PTPRD: variants seen among roughly 807,000 people sequenced by gnomAD.
PTPRD encodes receptor-type tyrosine-protein phosphatase delta.
In PTPRD, 34 loss-of-function variants were observed where a neutral mutation model predicts 214.5. The ratio of observed to expected loss-of-function variants is 0.16; its 90% confidence interval spans 0.12 to 0.21. The LOEUF (loss-of-function observed/expected upper bound fraction) is 0.21. PTPRD is among the 10% of genes least tolerant of loss of function. The pLI, the probability that PTPRD is intolerant of heterozygous loss-of-function variation, is 1.00. For synonymous variants in PTPRD, 1,128 were observed against 845.7 expected, an observed-to-expected ratio of 1.33 and a Z score of -5.79; for missense variants, 2,545 against 2,398.7, an observed-to-expected ratio of 1.06 and a Z score of -1.27.
At chr9:8,472,550 G>A (rs369759969) in intron 30 of PTPRD, among the ~76,000 whole-genome samples, 8 of 152,098 alleles carry the variant, frequency 5.3e-5, no homozygotes, top group African/African-American at 9.7e-5. Flanking sequence ...GGGGGCCATC[G>A]GGCACTGCCA....
chr9:8,374,108 ACGTGTC>A (rs1448000408), intron 39 of PTPRD, among the ~76,000 whole-genome samples: 6 of 141,318 alleles, frequency 4.2e-5, no homozygotes, highest in Non-Finnish European at 7.6e-5. Flanking sequence ...ATAATTACAC[ACGTGTC>A]TGTGTGTGTG....
intron 14 of PTPRD, among the ~76,000 whole-genome samples, chr9:8,575,303 C>A (rs1402814705): frequency 2.6e-5 from 4 of 152,062 alleles, no homozygotes; most frequent in African/African-American, 7.2e-5. Context: ...AATTGAGTAT[C>A]CAGTACCAAC....
Position 9,992,264 on chromosome 9 carries a change from T to C in PTPRD, c.-472+41454A>G, listed in dbSNP as rs150685924. 1.3e-3 allele frequency among the ~76,000 whole-genome samples: 201 copies of C among 152,296 alleles called. 1 individual carries two copies. In the Middle Eastern group the frequency reaches 0.014, roughly 10 times the overall value. ...GATTTAAATTATATCTCAATAAAGC[T>C]ACTAAAAGTTAGATGGAATGAAAAT... On this transcript the variant is annotated intron_variant, in intron 4 of 45. Transcript: ENST00000381196.
At chr9:8,619,408 AT>A (rs1320439249) in intron 14 of PTPRD, among the ~76,000 whole-genome samples, 1 of 151,580 alleles carries the variant, frequency 6.6e-6, no homozygotes, top group East Asian at 2.0e-4. Context: ...ACTGATATCA[AT>A]TTTTTTAGAT....
intron 8 of PTPRD, among the ~76,000 whole-genome samples, chr9:9,433,953 C>A (rs1425696402): frequency 6.6e-6 from 1 of 152,104 alleles, no homozygotes; most frequent in South Asian, 2.1e-4. Context: ...GCGCAGTTTT[C>A]TTTTTAACAT....
rs7849976 is a variant in PTPRD, at chr9:8,326,179, C to T, written c.5534+5403G>A. Among the ~76,000 whole-genome samples, 612 of 152,234 alleles carry T rather than the reference C, an allele frequency of 4.0e-3. 5 individuals are homozygous for T. The highest frequency in any genetic ancestry group is 0.014 in the African/African-American group (580 of 41,528). On this transcript the variant is annotated intron_variant, in intron 44 of 45. Transcript: ENST00000381196. ...CAAAGGGAGTGCTTCCAGTTTTTGCCCATTCTGTAGGATAGTGGCTGTGCG... is the reference window on the plus strand; with the variant it reads ...CAAAGGGAGTGCTTCCAGTTTTTGCTCATTCTGTAGGATAGTGGCTGTGCG...
intron 4 of PTPRD, among the ~76,000 whole-genome samples, chr9:9,941,931 A>G (rs2091566115): frequency 6.6e-6 from 1 of 152,202 alleles, no homozygotes; most frequent in African/African-American, 2.4e-5. Context: ...TATCTAATGT[A>G]TTTGAATGAT....
chr9:8,323,896 C>T (rs1016120368), intron 44 of PTPRD, among the ~76,000 whole-genome samples: 4 of 152,148 alleles, frequency 2.6e-5, no homozygotes, highest in African/African-American at 7.2e-5. Flanking sequence ...AACAACATTG[C>T]ATGGTGCAGA....
intron 14 of PTPRD, among the ~76,000 whole-genome samples, chr9:8,594,253 T>C (rs1432899336): frequency 6.6e-6 from 1 of 152,176 alleles, no homozygotes; most frequent in African/African-American, 2.4e-5. Flanking sequence ...CTGCTGTTTT[T>C]TAAAGACAAA....
intron 9 of PTPRD, among the ~76,000 whole-genome samples, chr9:9,256,617 T>C (rs1219020646): frequency 6.6e-6 from 1 of 151,994 alleles, no homozygotes; most frequent in Non-Finnish European, 1.5e-5. Context: ...AATCCAGGAT[T>C]CCTGTGTCCT....
At chr9:10,244,652 G>C (rs927345985) in intron 3 of PTPRD, among the ~76,000 whole-genome samples, 1 of 152,058 alleles carries the variant, frequency 6.6e-6, no homozygotes, top group African/African-American at 2.4e-5. Flanking sequence ...TTTCATACCA[G>C]TTCAAATCTC....
intron 3 of PTPRD, among the ~76,000 whole-genome samples, chr9:10,055,002 G>A (rs568541445): frequency 1.3e-5 from 2 of 151,902 alleles, no homozygotes; most frequent in African/African-American, 4.8e-5. Flanking sequence ...AAAAAAGAAA[G>A]AAAGATCAGT....
intron 12 of PTPRD, among the ~76,000 whole-genome samples, chr9:8,673,540 C>G (rs1337241027): frequency 1.3e-5 from 2 of 152,206 alleles, no homozygotes; most frequent in African/African-American, 4.8e-5. Context: ...TTCCAGATAA[C>G]AGACAGCTGG....
intron 14 of PTPRD, among the ~76,000 whole-genome samples, chr9:8,584,041 C>A (rs1444276319): frequency 6.6e-6 from 1 of 152,082 alleles, no homozygotes; most frequent in South Asian, 2.1e-4. Context: ...GTAGTCTCTG[C>A]TACTTGGGAA....
intron 11 of PTPRD, among the ~76,000 whole-genome samples, chr9:8,811,464 C>A (rs2096801475): frequency 6.6e-6 from 1 of 152,174 alleles, no homozygotes; most frequent in South Asian, 2.1e-4. Context: ...GTTTGTGGAA[C>A]TGAATAAATG....
chr9:10,243,063 C>G (rs1230034410), intron 3 of PTPRD, among the ~76,000 whole-genome samples: 1 of 151,892 alleles, frequency 6.6e-6, no homozygotes, highest in Non-Finnish European at 1.5e-5. Flanking sequence ...ATTTACACAG[C>G]CTGAGGCAAT....
intron 30 of PTPRD, among the ~76,000 whole-genome samples, chr9:8,479,803 T>C (rs1391186798): frequency 6.6e-6 from 1 of 152,192 alleles, no homozygotes; most frequent in East Asian, 1.9e-4. Flanking sequence ...CTCTTTCAAC[T>C]GCTCTTTTCC....
chr9:9,166,035 T>C (rs1370476643), intron 10 of PTPRD, among the ~76,000 whole-genome samples: 3 of 152,104 alleles, frequency 2.0e-5, no homozygotes, highest in Non-Finnish European at 4.4e-5. Flanking sequence ...TCTGTCCCTA[T>C]GTAGGTATTA....
intron 7 of PTPRD, among the ~76,000 whole-genome samples, chr9:9,635,727 C>T (rs768964869): frequency 3.3e-5 from 5 of 152,134 alleles, no homozygotes; most frequent in Non-Finnish European, 5.9e-5. Flanking sequence ...GCCTGAAACC[C>T]AGAAGTCATT....
Sources: gnomAD v4.1 joint callset for allele counts (sites outside exome capture counted in the v4.1 genomes callset) on GRCh38, gnomAD v4.1.1 for gene constraint, MANE v1.5 for transcripts, NCBI Gene and HGNC (gene_info 2026-07-23, HGNC 2026-07-21) for gene names.